The following PRH1 variants were observed in gnomAD, a reference collection of about 807,000 sequenced individuals.
PRH1 encodes the protein salivary acidic proline-rich phosphoprotein 1/2.
PRH1 carries 7 observed loss-of-function variants against 7.9 expected under a neutral mutation model. The observed-to-expected ratio is 0.89, with a 90% CI of 0.50 to 1.67. The LOEUF is 1.67. Ranked by LOEUF, PRH1 falls within the 40% of genes most tolerant of loss-of-function variation. The pLI is 0.00. For missense variants in PRH1, 109 were observed against 223.6 expected, an observed-to-expected ratio of 0.49 and a Z score of 3.27; for synonymous variants, 45 against 80.8, an observed-to-expected ratio of 0.56 and a Z score of 2.38.
intron 1 of PRH1, among the ~76,000 whole-genome samples, chr12:11,138,769 T>G (rs1201282978): frequency 6.6e-6 from 1 of 151,366 alleles, no homozygotes; most frequent in South Asian, 2.1e-4. Context: ...CCAGGTGTGG[T>G]GGCTCATAAC....
At chr12:10,932,688 C>A (rs1950231066) in intron 2 of PRH1, among the ~76,000 whole-genome samples, 2 of 151,950 alleles carry the variant, frequency 1.3e-5, no homozygotes, top group African/African-American at 4.8e-5. Context: ...CCTGTATTCC[C>A]CAGAAGCCAC....
intron 1 of PRH1, among the ~76,000 whole-genome samples, chr12:11,064,468 A>G (rs1943731134): frequency 1.3e-5 from 2 of 152,174 alleles, no homozygotes; most frequent in Admixed American, 1.3e-4. Context: ...ATTCTACTAG[A>G]GCATTCTTTC....
In PRH1 at chr12:11,088,858, C is replaced by A. The variant is rs1944793754; in HGVS notation, n.124-41670G>T. Among the ~76,000 whole-genome samples, 2 of 109,446 alleles carry A rather than the reference C, an allele frequency of 1.8e-5. 1 individual carries two copies. The highest frequency in any genetic ancestry group is 1.8e-4 in the Admixed American group (2 of 10,906). 71.8% of individuals were successfully genotyped at this position (109,446 alleles called of 152,430 possible). A position where few individuals can be genotyped will look rare whatever the true frequency, so the allele number is the denominator to read the frequency against. On this transcript the variant is annotated intron_variant and non_coding_transcript_variant, in intron 1 of 4. Transcript: ENST00000541977. ...GGACTCTGTGCATGTCTCTGACAAG[C>A]CTGTAGGAGACAGGAGAGCAAATCC...
At chr12:10,906,556 T>A (rs917427824) in intron 2 of PRH1, among the ~76,000 whole-genome samples, 2 of 152,130 alleles carry the variant, frequency 1.3e-5, no homozygotes, top group African/African-American at 4.8e-5. Flanking sequence ...ATAATTCCCA[T>A]GTGTTATGGG....
intron 1 of PRH1, among the ~76,000 whole-genome samples, chr12:11,104,181 T>TAAAAAAAAAAAAAAAAAAAAAAAGAAA: frequency 2.0e-5 from 1 of 49,592 alleles, no homozygotes; most frequent in Non-Finnish European, 4.2e-5. Flanking sequence ...AATGAAAGAG[T>TAAAAAAAAAAAAAAAAAAAAAAAGAAA]AAAAAAAAAA....
At chr12:10,965,493 A>G (rs1173658477) in intron 2 of PRH1, 4 of 348,546 alleles carry the variant, frequency 1.1e-5, no homozygotes, top group Admixed American at 4.2e-5. Flanking sequence ...TACTGTGACC[A>G]GTGTCAAACA....
intron 1 of PRH1, among the ~76,000 whole-genome samples, chr12:11,164,743 C>CA (rs11292777): frequency 6.7e-4 from 99 of 148,582 alleles, no homozygotes; most frequent in African/African-American, 1.0e-3. Context: ...TGAGGCTTCT[C>CA]AAAAAAAAAA....
chr12:11,128,110 C>CAAAA (rs71434172), intron 1 of PRH1, among the ~76,000 whole-genome samples: 3 of 100,580 alleles, frequency 3.0e-5, no homozygotes, highest in Non-Finnish European at 5.8e-5. Context: ...GACTCAGTCT[C>CAAAA]AAAAAAAAAA....
At chr12:11,090,416 C>T (rs11560816) in intron 1 of PRH1, among the ~76,000 whole-genome samples, 3 of 111,050 alleles carry the variant, frequency 2.7e-5, no homozygotes, top group African/African-American at 3.0e-5. Flanking sequence ...CTTAAAAGTG[C>T]TTTAGAAAGA....
chr12:10,937,222 CTCTCTCTCTCTG>C (rs1950302628), intron 2 of PRH1, among the ~76,000 whole-genome samples: 1 of 150,862 alleles, frequency 6.6e-6, no homozygotes. Flanking sequence ...CTCTCTCTCT[CTCTCTCTCTCTG>C]TGTGTGTGTG....
intron 1 of PRH1, among the ~76,000 whole-genome samples, chr12:11,083,405 C>CTA (rs1944559241): frequency 6.5e-5 from 1 of 15,274 alleles, no homozygotes. Flanking sequence ...ATGCTGTATT[C>CTA]TTCTTTATTC....
chr12:11,091,115 C>CACATATATATATATATATATAT lies in PRH1; in HGVS notation n.124-43928_124-43927insATATATATATATATATATATGT, dbSNP rs751016037. Among the ~76,000 whole-genome samples, 110 of 25,092 alleles carry CACATATATATATATATATATAT rather than the reference C, an allele frequency of 4.4e-3. 3 individuals carry two copies. Among genetic ancestry groups the CACATATATATATATATATATAT allele is most frequent in the African/African-American group, 7.2e-3 (92 of 12,732 alleles). 16.5% of individuals were successfully genotyped at this position (25,092 alleles called of 152,430 possible). A position where few individuals can be genotyped will look rare whatever the true frequency, so the allele number is the denominator to read the frequency against. ...ACACAAATACACACACACACACACA[C>CACATATATATATATATATATAT]ATATATATATATATATATATATATA... is the stretch of plus-strand genomic sequence containing the variant. On this transcript the variant is annotated intron_variant and non_coding_transcript_variant, in intron 1 of 4. Transcript: ENST00000541977.
chr12:10,993,020 G>C (rs913842673), intron 1 of PRH1, among the ~76,000 whole-genome samples: 1 of 152,202 alleles, frequency 6.6e-6, no homozygotes, highest in African/African-American at 2.4e-5. Flanking sequence ...AAAGTTCCAG[G>C]AGGTGGTTGT....
At chr12:11,115,908 G>A (rs1180521499), downstream of PRH1, among the ~76,000 whole-genome samples, 1 of 151,736 alleles carries the variant, frequency 6.6e-6, no homozygotes, top group African/African-American at 2.4e-5. Context: ...ATACTAAGAA[G>A]GAAATTTATA....
rs138213657 is a variant in PRH1, at chr12:11,169,017, T to C, written n.39+2405A>G. Among the ~76,000 whole-genome samples, 17 of 152,310 alleles carry C rather than the reference T, an allele frequency of 1.1e-4. No individual in the cohort carries two copies. In the East Asian group the frequency reaches 3.3e-3, roughly 29 times the overall value. On this transcript the variant is annotated intron_variant and non_coding_transcript_variant, in intron 1 of 1. Coordinates refer to the PRH1 transcript ENST00000541175. ...CTAGTTTGGCATTAGCACAAGTTAA[T>C]GGTGTGGTGTGAACATAAGTATAAA...
intron 1 of PRH1, among the ~76,000 whole-genome samples, chr12:10,995,181 T>G (rs1268359669): frequency 6.6e-6 from 1 of 152,214 alleles, no homozygotes; most frequent in Non-Finnish European, 1.5e-5. Flanking sequence ...ATAGTTCATA[T>G]TCATTCATTC....
chr12:10,930,330 ACT>A (rs1565478422), intron 2 of PRH1: 3 of 1,603,596 alleles, frequency 1.9e-6, no homozygotes, highest in Non-Finnish European at 1.7e-6. Flanking sequence ...TTCTCAGTAA[ACT>A]CTGTCTCCAT....
At chr12:11,117,724 T>C (rs764630800), downstream of PRH1, among the ~76,000 whole-genome samples, 14 of 151,984 alleles carry the variant, frequency 9.2e-5, no homozygotes, top group Non-Finnish European at 1.3e-4. Context: ...AACTGACACA[T>C]AGAACGATGG....
chr12:11,074,109 A>G (rs1226237449), intron 1 of PRH1, among the ~76,000 whole-genome samples: 2 of 147,768 alleles, frequency 1.4e-5, no homozygotes, highest in Admixed American at 6.8e-5. Flanking sequence ...CATGGTCAGC[A>G]CCTTGCCTGA....
Sources: gnomAD v4.1 joint callset for allele counts (sites outside exome capture counted in the v4.1 genomes callset) on GRCh38, gnomAD v4.1.1 for gene constraint, MANE v1.5 for transcripts, NCBI Gene and HGNC (gene_info 2026-07-23, HGNC 2026-07-21) for gene names.